Variants in ANO10 observed in about 807,000 individuals in gnomAD.
The protein encoded by ANO10 is anoctamin-10.
A neutral mutation model predicts 74.7 loss-of-function variants in ANO10; 77 were observed. The observed-to-expected ratio is 1.03, with a 90% CI of 0.86 to 1.25. The LOEUF is 1.25. Ranked by LOEUF, ANO10 falls within the 50% of genes most tolerant of loss-of-function variation. The pLI is 0.00. For missense variants in ANO10, 721 were observed against 778.1 expected, an observed-to-expected ratio of 0.93 and a Z score of 0.87; for synonymous variants, 279 against 284.9, an observed-to-expected ratio of 0.98 and a Z score of 0.21.
rs530142505 is a variant in ANO10, at chr3:43,382,388, G to A, written c.1915-15414C>T. Among the ~76,000 whole-genome samples the A allele has an allele frequency of 1.8e-4, 28 of 151,812 alleles. No homozygotes were observed. In the South Asian group the frequency reaches 2.3e-3, roughly 12 times the overall value. On this transcript the variant is annotated intron_variant, in intron 12 of 12. Coordinates refer to ENST00000292246, the MANE Select transcript of ANO10 (RefSeq NM_018075.5). ...CAAAAAATTAGCCGGGCGTGGTAGC[G>A]GGCGCCTGTAGTCCCAGCTACTCGG...
At chr3:43,629,973 C>G (rs973515912) in intron 1 of ANO10, among the ~76,000 whole-genome samples, 1 of 152,000 alleles carries the variant, frequency 6.6e-6, no homozygotes, top group African/African-American at 2.4e-5. Flanking sequence ...GGGAAGAGGA[C>G]CAAGGACAGA....
At chr3:43,565,577 G>A in intron 8 of ANO10, 76 bp downstream of exon 8, 2 of 1,042,756 alleles carry the variant, frequency 1.9e-6, no homozygotes, top group Non-Finnish European at 2.8e-6. Flanking sequence ...TAATTTGAAG[G>A]CAATTACAGC....
chr3:43,436,220 T>C (rs1033323034), intron 11 of ANO10, among the ~76,000 whole-genome samples: 15 of 152,268 alleles, frequency 9.9e-5, no homozygotes, highest in African/African-American at 3.4e-4. Context: ...TGCTTTATGC[T>C]AACTAATCTG....
intron 7 of ANO10, among the ~76,000 whole-genome samples, chr3:43,571,866 A>C (rs1457776273): frequency 6.7e-6 from 1 of 150,302 alleles, no homozygotes; most frequent in Non-Finnish European, 1.5e-5. Flanking sequence ...CTACATTAAA[A>C]AAAAAAAAAA....
chr3:43,382,853 TA>T (rs1218609845), intron 12 of ANO10, among the ~76,000 whole-genome samples: 2 of 151,954 alleles, frequency 1.3e-5, no homozygotes, highest in South Asian at 4.1e-4. Flanking sequence ...AACAGACCAA[TA>T]ACAAGCAGTG....
chr3:43,491,687 T>C (rs868235885), intron 11 of ANO10, among the ~76,000 whole-genome samples: 3 of 152,156 alleles, frequency 2.0e-5, no homozygotes, highest in South Asian at 2.1e-4. Flanking sequence ...TCTCTCCTTC[T>C]GCCTTACCCC....
chr3:43,566,168 C>A (rs1465926323), intron 7 of ANO10, among the ~76,000 whole-genome samples: 3 of 152,222 alleles, frequency 2.0e-5, no homozygotes, highest in Admixed American at 6.5e-5. Flanking sequence ...TATCCTGCAC[C>A]TGGCTCGGAG....
At chr3:43,676,196 A>G (rs1014553142) in intron 1 of ANO10, among the ~76,000 whole-genome samples, 4 of 152,196 alleles carry the variant, frequency 2.6e-5, no homozygotes, top group Non-Finnish European at 5.9e-5. Context: ...ATGGTGGCTC[A>G]GGCCTGTAAT....
chr3:43,557,761 TTTTG>T (rs1219731232), intron 9 of ANO10, among the ~76,000 whole-genome samples: 2 of 144,634 alleles, frequency 1.4e-5, no homozygotes, highest in African/African-American at 5.2e-5. Flanking sequence ...AAAAAAGACG[TTTTG>T]TTTATGTGAG....
chr3:43,458,346 C>G (rs1575894104), intron 11 of ANO10, among the ~76,000 whole-genome samples: 1 of 152,144 alleles, frequency 6.6e-6, no homozygotes, highest in South Asian at 2.1e-4. Context: ...AGAAGTTTCA[C>G]AAAGAATCCA....
intron 12 of ANO10, among the ~76,000 whole-genome samples, chr3:43,431,277 T>C (rs982000975): frequency 6.6e-6 from 1 of 151,910 alleles, no homozygotes; most frequent in Non-Finnish European, 1.5e-5. Flanking sequence ...TTCACCACGT[T>C]GCCCAGGTTG....
chr3:43,608,242 A>G (rs1414781304), intron 1 of ANO10, among the ~76,000 whole-genome samples: 2 of 152,242 alleles, frequency 1.3e-5, no homozygotes, highest in African/African-American at 4.8e-5. Flanking sequence ...ATTAGACTGA[A>G]AGAGTATCTT....
chr3:43,434,845 G>C (rs2093043386), intron 11 of ANO10, among the ~76,000 whole-genome samples: 1 of 152,032 alleles, frequency 6.6e-6, no homozygotes, highest in Non-Finnish European at 1.5e-5. Context: ...GAAAAAAGTT[G>C]GTATTGATTA....
intron 11 of ANO10, among the ~76,000 whole-genome samples, chr3:43,442,405 A>G (rs1437654623): frequency 6.6e-6 from 1 of 152,174 alleles, no homozygotes. Flanking sequence ...TTTGAAAAGG[A>G]AATTGAGAAC....
chr3:43,672,486 G>C (rs1045606435), intron 1 of ANO10, among the ~76,000 whole-genome samples: 1 of 152,140 alleles, frequency 6.6e-6, no homozygotes, highest in African/African-American at 2.4e-5. Flanking sequence ...AGATGTAATT[G>C]CACCACTGCA....
rs533581134 is a variant in ANO10, at chr3:43,431,099, G to T, written c.1914+1512C>A. ...TTTCTTTTTTTTTTTTTGAGACAAGGTCTCACTCTGTTACCCAGGCGGGAG... is the reference window on the plus strand; with the variant it reads ...TTTCTTTTTTTTTTTTTGAGACAAGTTCTCACTCTGTTACCCAGGCGGGAG... On this transcript the variant is annotated intron_variant, in intron 12 of 12. Transcript: ENST00000292246. 2.3e-4 allele frequency among the ~76,000 whole-genome samples: 35 copies of T among 149,526 alleles called. 1 individual carries two copies. Among genetic ancestry groups the T allele is most frequent in the African/African-American group, 8.6e-4 (35 of 40,546 alleles).
At chr3:43,667,127 G>C (rs1167701969) in intron 1 of ANO10, among the ~76,000 whole-genome samples, 1 of 110,216 alleles carries the variant, frequency 9.1e-6, no homozygotes, top group Non-Finnish European at 1.7e-5. Context: ...GTCTCGCTCT[G>C]TCACCCAGGC....
intron 11 of ANO10, among the ~76,000 whole-genome samples, chr3:43,504,984 C>A (rs1307538840): frequency 6.6e-6 from 1 of 152,140 alleles, no homozygotes; most frequent in Non-Finnish European, 1.5e-5. Context: ...ATGTATCAAC[C>A]AGTCCAAAGT....
intron 1 of ANO10, among the ~76,000 whole-genome samples, chr3:43,679,011 G>A (rs1342921268): frequency 6.6e-6 from 1 of 152,184 alleles, no homozygotes; most frequent in Non-Finnish European, 1.5e-5. Flanking sequence ...CTCCCAGCAT[G>A]AGTGACGCAG....
Sources: allele counts gnomAD v4.1 joint callset (sites outside exome capture counted in the v4.1 genomes callset), GRCh38; gene constraint gnomAD v4.1.1; transcripts MANE v1.5; gene names NCBI Gene and HGNC (gene_info 2026-07-23, HGNC 2026-07-21).